TLK1: variants seen among roughly 807,000 people sequenced by gnomAD.
The protein encoded by TLK1 is tousled like kinase 1.
Under a neutral mutation model 105.3 loss-of-function variants are expected in TLK1, and 24 were observed. That is an observed-to-expected ratio of 0.23 (90% CI 0.17 to 0.32). The LOEUF is 0.32. Among genes scored for constraint, TLK1 ranks in the 10% least tolerant of loss-of-function variants. The pLI, the probability that TLK1 is intolerant of heterozygous loss-of-function variation, is 1.00. For missense variants in TLK1, 558 were observed against 910.5 expected (o/e 0.61, Z 4.98); for synonymous variants, 321 against 310.4 (o/e 1.03, Z -0.36).
At chr2:171,186,042 C>T (rs1693018823) in intron 1 of TLK1, among the ~76,000 whole-genome samples, 1 of 152,212 alleles carries the variant, frequency 6.6e-6, no homozygotes, top group East Asian at 1.9e-4. Context: ...ACTCATCTTA[C>T]TCACAAGGCT....
intron 2 of TLK1, among the ~76,000 whole-genome samples, chr2:171,094,828 G>A (rs535303962): frequency 2.5e-4 from 38 of 152,146 alleles, no homozygotes; most frequent in African/African-American, 5.8e-4. Context: ...GGCTGGTCTC[G>A]AACTCCTGAC....
In TLK1 at chr2:171,027,841, G is replaced by C. The variant is rs529567006; in HGVS notation, c.1236+498C>G. On this transcript the variant is annotated intron_variant, in intron 12 of 20. Coordinates refer to ENST00000431350, the MANE Select transcript of TLK1 (RefSeq NM_012290.5). ...ATTTTTAAGTTGACACAAGATAAAG[G>C]AATGTTGTTTTAATATACTCAACAT... Among the ~76,000 whole-genome samples the C allele has an allele frequency of 2.6e-5, 4 of 152,284 alleles. No individual in the cohort carries two copies. In the South Asian group the frequency reaches 8.3e-4, roughly 32 times the overall value.
At chr2:171,175,942 G>T (rs887411780) in intron 1 of TLK1, among the ~76,000 whole-genome samples, 4 of 151,388 alleles carry the variant, frequency 2.6e-5, no homozygotes, top group South Asian at 2.1e-4. Context: ...TTTTGTTTTT[G>T]TTTTTGTTTT....
chr2:171,169,096 G>C (rs1042169291), intron 1 of TLK1, among the ~76,000 whole-genome samples: 4 of 151,622 alleles, frequency 2.6e-5, no homozygotes, highest in Admixed American at 1.3e-4. Flanking sequence ...AAAAAAATTT[G>C]TTTTTTGATC....
chr2:171,115,524 A>G (rs879543672), intron 2 of TLK1, among the ~76,000 whole-genome samples: 2 of 152,152 alleles, frequency 1.3e-5, no homozygotes, highest in Non-Finnish European at 2.9e-5. Context: ...GTCTAATGTT[A>G]GCTTTCACTG....
At chr2:171,157,857 T>C (rs1692299085) in intron 1 of TLK1, among the ~76,000 whole-genome samples, 1 of 152,226 alleles carries the variant, frequency 6.6e-6, no homozygotes, top group Non-Finnish European at 1.5e-5. Flanking sequence ...AATTATTCTA[T>C]TACTATATGT....
intron 1 of TLK1, among the ~76,000 whole-genome samples, chr2:171,230,882 C>T (rs889306209): frequency 3.3e-5 from 5 of 152,142 alleles, no homozygotes; most frequent in Non-Finnish European, 2.9e-5. Context: ...AGAGAACTGA[C>T]TTCAGTTTCC....
At chr2:171,192,252 C>G (rs1342790500) in intron 1 of TLK1, among the ~76,000 whole-genome samples, 1 of 152,128 alleles carries the variant, frequency 6.6e-6, no homozygotes, top group African/African-American at 2.4e-5. Context: ...TGGTCTTGAA[C>G]TCCTGGGCTC....
intron 2 of TLK1, among the ~76,000 whole-genome samples, chr2:171,100,997 T>C (rs1280635575): frequency 1.3e-5 from 2 of 152,192 alleles, no homozygotes; most frequent in African/African-American, 4.8e-5. Flanking sequence ...TATAATGGAA[T>C]GAGTACAATA....
chr2:171,206,760 C>T (rs921394129), intron 1 of TLK1, among the ~76,000 whole-genome samples: 5 of 152,140 alleles, frequency 3.3e-5, no homozygotes, highest in African/African-American at 1.2e-4. Context: ...CCTATCTCAC[C>T]AAAGAAGATC....
intron 1 of TLK1, among the ~76,000 whole-genome samples, chr2:171,139,470 C>T (rs1361109974): frequency 4.6e-5 from 7 of 151,852 alleles, no homozygotes; most frequent in Non-Finnish European, 8.8e-5. Flanking sequence ...TGGTGGCACA[C>T]GAGTCCCAGC....
chr2:171,101,299 T>C (rs10172983), intron 2 of TLK1, among the ~76,000 whole-genome samples: 1,400 of 129,934 alleles, frequency 0.011, 24 homozygotes, highest in African/African-American at 0.04. Context: ...TGAGCCAAGA[T>C]AGCGCCACTG....
At position 171,109,590 on chromosome 2, in the gene TLK1, T is replaced by A. The variant is rs181617549; in HGVS notation, c.258+8149A>T. Reference sequence around the variant, plus strand: ...AAGTTCTTATACAGGTACAAACACTTTGGAAATCTGGCAGTTTCTTACCAA... The same window carrying A: ...AAGTTCTTATACAGGTACAAACACTATGGAAATCTGGCAGTTTCTTACCAA... On this transcript the variant is annotated intron_variant, in intron 2 of 20. Transcript: ENST00000431350. Among the ~76,000 whole-genome samples the A allele has an allele frequency of 3.3e-3, 502 of 152,330 alleles. 2 individuals are homozygous for A. Among genetic ancestry groups the A allele is most frequent in the Non-Finnish European group, 5.1e-3 (350 of 68,028 alleles).
chr2:171,049,949 C>T lies in TLK1; in HGVS notation c.845G>A (p.Ser282Asn), dbSNP rs760592067. 5.6e-6 allele frequency: 9 copies of T among 1,604,676 alleles called. No homozygotes were observed. The highest frequency in any genetic ancestry group is 7.7e-6 in the Non-Finnish European group (9 of 1,174,522). ...TCTGCTTGACAGCTTTTCTTGTGTA[C>T]TCTGAAAAGGAGAAAAAAAATCATC... ...SMSKKLLIEK[S>N]TQEKLSSREK... is the part of the protein sequence containing the mutation. The change falls in exon 10 of 21, where the codon AGT (serine) becomes AAT (asparagine). Residue 282 changes from serine (S) to asparagine (N), a missense_variant and splice_region_variant. Ser to Asn is a conservative substitution (Grantham distance 46). This residue lies in a region of TLK1 where 196 missense variants were observed against 239.3 expected (regional missense o/e 0.82). Coordinates refer to ENST00000431350, the MANE Select transcript of TLK1 (RefSeq NM_012290.5).
rs553152318 is a variant in TLK1 at position 171,123,285 on chromosome 2, C to T, written c.140-5428G>A. On this transcript the variant is annotated intron_variant, in intron 1 of 20. Coordinates refer to ENST00000431350, the MANE Select transcript of TLK1 (RefSeq NM_012290.5). ...AATCTCGGCTCACTACAACCTCCAC[C>T]GCCCAGGTTCAAGAGATTCTCCCAC... Among the ~76,000 whole-genome samples the T allele has an allele frequency of 8.5e-5, 13 of 152,256 alleles. No individual in the cohort carries two copies. The East Asian group carries it at 1.5e-3, about 18-fold the overall frequency.
intron 11 of TLK1, among the ~76,000 whole-genome samples, chr2:171,040,088 A>G (rs763258169): frequency 1.3e-4 from 20 of 152,172 alleles, no homozygotes; most frequent in Non-Finnish European, 2.6e-4. Flanking sequence ...TAATAGAGAA[A>G]AAGAATAAAA....
intron 1 of TLK1, among the ~76,000 whole-genome samples, chr2:171,214,069 G>C (rs1693669933): frequency 6.6e-6 from 1 of 151,634 alleles, no homozygotes; most frequent in Non-Finnish European, 1.5e-5. Context: ...AGCCGGGCAT[G>C]GTGGCACATG....
chr2:171,052,393 T>C (rs1276694584), intron 8 of TLK1, among the ~76,000 whole-genome samples: 1 of 152,212 alleles, frequency 6.6e-6, no homozygotes, highest in East Asian at 1.9e-4. Context: ...AATTCTTTCA[T>C]ATGTGCCCTG....
chr2:171,114,043 G>T (rs1007613776), intron 2 of TLK1, among the ~76,000 whole-genome samples: 7 of 152,130 alleles, frequency 4.6e-5, no homozygotes, highest in Non-Finnish European at 1.0e-4. Flanking sequence ...ATTACCAGAT[G>T]TCAAATGGGC....
Sources: gnomAD v4.1 joint callset for allele counts (sites outside exome capture counted in the v4.1 genomes callset) on GRCh38, gnomAD v4.1.1 for gene constraint, gnomAD v4.1.1 regional missense constraint, MANE v1.5 for transcripts, NCBI Gene and HGNC (gene_info 2026-07-23, HGNC 2026-07-21) for gene names.